The following ABCA12 variants were observed in gnomAD, a reference collection of about 807,000 sequenced individuals.
ABCA12 encodes ATP binding cassette subfamily A member 12, also known as glucosylceramide transporter ABCA12.
ABCA12 carries 156 observed loss-of-function variants against 293.5 expected under a neutral mutation model. The ratio of observed to expected loss-of-function variants is 0.53; its 90% CI spans 0.47 to 0.61. The LOEUF is 0.61. Ranked by LOEUF, ABCA12 falls within the 20% of genes least tolerant of loss-of-function variation. ABCA12 has a pLI of 0.00. For missense variants in ABCA12, 2,797 were observed against 3,090.2 expected (o/e 0.91, Z 2.25); for synonymous variants, 1,063 against 1,108.0 (o/e 0.96, Z 0.81).
Position 214,949,667 on chromosome 2 carries a change from G to A in ABCA12, c.6853-518C>T, listed in dbSNP as rs559822894. Among the ~76,000 whole-genome samples the A allele has an allele frequency of 3.3e-5, 5 of 152,206 alleles. No individual in the cohort carries two copies. In the South Asian group the frequency reaches 6.2e-4, roughly 19 times the overall value. On this transcript the variant is annotated intron_variant, in intron 45 of 52. Transcript: ENST00000272895. ...CTCTTTTCAATGCTGCCTTAATATC[G>A]CTTCTGTGAAAATGGCAAGAATATA...
At chr2:215,134,463 CAT>C (rs540973171) in intron 1 of ABCA12, among the ~76,000 whole-genome samples, 1 of 117,282 alleles carries the variant, frequency 8.5e-6, no homozygotes. Context: ...TACATATATG[CAT>C]ATGTGTATGT....
At chr2:214,934,002 T>C (rs1267033936) in intron 52 of ABCA12, 76 bp downstream of exon 52, 2 of 1,483,396 alleles carry the variant, frequency 1.3e-6, no homozygotes, top group Admixed American at 3.5e-5. Flanking sequence ...TTGAATGTAA[T>C]TAAAAAGAAA....
chr2:215,024,940 G>C (rs1385984174), intron 11 of ABCA12, among the ~76,000 whole-genome samples: 1 of 151,780 alleles, frequency 6.6e-6, no homozygotes, highest in Non-Finnish European at 1.5e-5. Flanking sequence ...TATATTTTTT[G>C]GTTGCCTTTT....
rs2105931529 is a variant in ABCA12, at chr2:214,954,043, C to A, written c.6458G>T (p.Gly2153Val). 3.1e-6 allele frequency: 5 copies of A among 1,613,868 alleles called. No homozygotes were observed. The highest frequency in any genetic ancestry group is 1.3e-5 in the African/African-American group (1 of 74,966). ...IFLIFPQFCF[G>V]YGLIELSQQQ... is the part of the protein sequence containing the mutation. ...TTGAGAAAGTTCAATCAAACCGTAG[C>A]CAAAACAGAATTGTGGGAAAATCAG... The change falls in exon 44 of 53, where the codon GGC becomes GTC. Residue 2153 changes from glycine (G) to valine (V), a missense_variant. Gly to Val is a moderately radical substitution (Grantham distance 109). Transcript: ENST00000272895.
intron 24 of ABCA12, 101 bp from the exon 25 acceptor site, chr2:214,989,722 A>C: frequency 8.2e-7 from 1 of 1,226,342 alleles, no homozygotes; most frequent in Non-Finnish European, 1.2e-6. Flanking sequence ...TGTATAGATA[A>C]AATTGATGCT....
At position 214,932,645 on chromosome 2, in the gene ABCA12, T is replaced by C. The variant is rs1698094725; in HGVS notation, c.7777A>G (p.Met2593Val). The change falls in exon 53 of 53, where the codon ATG (methionine) becomes GTG (valine). Residue 2593 changes from methionine to valine, a missense_variant. Transcript: ENST00000272895. ...TISVDSQDDQ[M>V]ES ...GTTTGCTGGAAGTGTTAAGACTCCATCTGGTCATCTTGTGAGTCAACACTT... is the reference window on the plus strand; with the variant it reads ...GTTTGCTGGAAGTGTTAAGACTCCACCTGGTCATCTTGTGAGTCAACACTT... 6.2e-7 allele frequency: 1 copy of C among 1,612,274 alleles called. No homozygotes were observed. The highest frequency in any genetic ancestry group is 1.7e-5 in the Admixed American group (1 of 59,926).
At chr2:214,944,909 G>A (rs1559105400) in intron 49 of ABCA12, 92 bp downstream of exon 49, 7 of 873,106 alleles carry the variant, frequency 8.0e-6, no homozygotes, top group Non-Finnish European at 5.6e-6. Flanking sequence ...ATATGTATGT[G>A]TATATATTTA....
intron 14 of ABCA12, among the ~76,000 whole-genome samples, chr2:215,017,298 G>A (rs1349941964): frequency 1.3e-5 from 2 of 152,282 alleles, no homozygotes; most frequent in East Asian, 1.9e-4. Context: ...GACACTTCCA[G>A]ACAATGGACT....
chr2:215,095,369 G>C (rs192524014), intron 2 of ABCA12, among the ~76,000 whole-genome samples: 18 of 152,088 alleles, frequency 1.2e-4, no homozygotes, highest in African/African-American at 4.1e-4. Flanking sequence ...TCTCTTATTC[G>C]GACCTTGTGT....
At chr2:215,056,395 T>C (rs923634165) in intron 3 of ABCA12, among the ~76,000 whole-genome samples, 5 of 152,088 alleles carry the variant, frequency 3.3e-5, no homozygotes, top group Admixed American at 1.3e-4. Context: ...CTGAGCTTGC[T>C]CAACAGTAAA....
At chr2:214,969,030 T>C (rs368741236) in intron 37 of ABCA12, among the ~76,000 whole-genome samples, 1 of 152,050 alleles carries the variant, frequency 6.6e-6, no homozygotes, top group African/African-American at 2.4e-5. Flanking sequence ...TCCTAAACAA[T>C]TGCATATGTT....
chr2:215,104,863 A>AT (rs770977814), intron 2 of ABCA12, among the ~76,000 whole-genome samples: 1 of 151,996 alleles, frequency 6.6e-6, no homozygotes, highest in Non-Finnish European at 1.5e-5. Context: ...CTTTATATTC[A>AT]TTTTCTTTCC....
chr2:215,134,089 A>G (rs910517978), intron 1 of ABCA12, among the ~76,000 whole-genome samples: 13 of 152,026 alleles, frequency 8.6e-5, no homozygotes, highest in African/African-American at 3.1e-4. Context: ...CTCCAAGAAT[A>G]ATTTTGAGGG....
At chr2:215,007,951 T>C in intron 18 of ABCA12, 105 bp from the exon 19 acceptor site, 1 of 1,441,264 alleles carries the variant, frequency 6.9e-7, no homozygotes, top group Admixed American at 1.8e-5. Flanking sequence ...AAGACAGTTC[T>C]AAAACATGAA....
intron 8 of ABCA12, among the ~76,000 whole-genome samples, chr2:215,035,064 A>C (rs1700962665): frequency 6.6e-6 from 1 of 152,118 alleles, no homozygotes; most frequent in South Asian, 2.1e-4. Context: ...TGGACCAGAG[A>C]CCCCAGTGCT....
Position 214,947,334 on chromosome 2 carries a change from T to C in ABCA12, c.7239+88A>G, listed in dbSNP as rs1007948124. The C allele has an allele frequency of 3.2e-6, 5 of 1,576,578 alleles. No homozygotes were observed. In the African/African-American group the frequency reaches 4.0e-5, roughly 13 times the overall value. ...TAGTGAGACCTCAATAAATGTTGACTGCAATCATGATGATGAAATGTTAAC... is the reference window on the plus strand; with the variant it reads ...TAGTGAGACCTCAATAAATGTTGACCGCAATCATGATGATGAAATGTTAAC... On this transcript the variant is annotated intron_variant, in intron 48 of 52. Coordinates refer to ENST00000272895, the MANE Select transcript of ABCA12 (RefSeq NM_173076.3).
intron 1 of ABCA12, among the ~76,000 whole-genome samples, chr2:215,131,203 T>C (rs1260301398): frequency 6.6e-6 from 1 of 152,062 alleles, no homozygotes; most frequent in Non-Finnish European, 1.5e-5. Flanking sequence ...GTTGTTGTTG[T>C]GTCCTTGCCT....
intron 47 of ABCA12, chr2:214,947,800 C>CGT (rs1011079964): frequency 6.2e-5 from 31 of 499,400 alleles, no homozygotes; most frequent in East Asian, 1.2e-4. Flanking sequence ...CCCCACCAAA[C>CGT]GTGTGTGTGT....
chr2:215,067,125 AGCAAT>A (rs1431083679), intron 2 of ABCA12, among the ~76,000 whole-genome samples: 2 of 152,138 alleles, frequency 1.3e-5, no homozygotes, highest in Non-Finnish European at 2.9e-5. Flanking sequence ...AAATAAAAAG[AGCAAT>A]GGTGGAATCA....
Sources: gnomAD v4.1 joint callset for allele counts (sites outside exome capture counted in the v4.1 genomes callset) on GRCh38, gnomAD v4.1.1 for gene constraint, MANE v1.5 for transcripts, NCBI Gene and HGNC (gene_info 2026-07-23, HGNC 2026-07-21) for gene names.